The following DAB1 variants were observed in gnomAD, a reference collection of about 807,000 sequenced individuals.
DAB1 encodes DAB adaptor protein 1.
Under a neutral mutation model 64.6 loss-of-function variants are expected in DAB1, and 15 were observed. The ratio of observed to expected loss-of-function variants is 0.23; its 90% confidence interval spans 0.16 to 0.36. The LOEUF (loss-of-function observed/expected upper bound fraction) is 0.36, where lower values mean the gene tolerates loss of function less well. Among genes scored for constraint, DAB1 ranks in the 10% least tolerant of loss-of-function variants. DAB1 has a pLI of 1.00. For synonymous variants in DAB1, 235 were observed against 251.9 expected, an observed-to-expected ratio of 0.93 and a Z score of 0.64; for missense variants, 596 against 706.7, an observed-to-expected ratio of 0.84 and a Z score of 1.78.
chr1:58,213,643 T>C (rs2100299201), intron 4 of DAB1, among the ~76,000 whole-genome samples: 1 of 152,282 alleles, frequency 6.6e-6, no homozygotes, highest in East Asian at 1.9e-4. Context: ...CTGGGGATTA[T>C]GGGAACTACA....
At chr1:57,447,400 CT>C (rs1686182018) in intron 7 of DAB1, among the ~76,000 whole-genome samples, 1 of 152,150 alleles carries the variant, frequency 6.6e-6, no homozygotes, top group African/African-American at 2.4e-5. Context: ...GAGAGAGATC[CT>C]TGTGCAGACT....
intron 6 of DAB1, among the ~76,000 whole-genome samples, chr1:57,808,717 C>A (rs944254987): frequency 1.3e-5 from 2 of 152,116 alleles, no homozygotes; most frequent in African/African-American, 4.8e-5. Context: ...TAATAATGAT[C>A]CATTATAATG....
At chr1:58,302,816 A>G (rs1186103753) in intron 4 of DAB1, among the ~76,000 whole-genome samples, 1 of 152,142 alleles carries the variant, frequency 6.6e-6, no homozygotes, top group Non-Finnish European at 1.5e-5. Context: ...TGCTATTTTC[A>G]TTACTATTTT....
chr1:58,506,012 A>G, intron 3 of DAB1: 1 of 801,278 alleles, frequency 1.2e-6, no homozygotes, highest in Non-Finnish European at 2.2e-6. Flanking sequence ...CATTAAAAAT[A>G]AATGATACAG....
rs1369805791 is a variant in DAB1 at position 57,003,743 on chromosome 1, G to A, written c.*16-5615C>T. On this transcript the variant is annotated intron_variant, in intron 14 of 14. Transcript: ENST00000371236. ...AGTCTAATCTACTTTCCATCTCCAC[G>A]ATTTTACCTAGTCTTGTTTTTAAAT... Among the ~76,000 whole-genome samples the A allele has an allele frequency of 4.6e-5, 7 of 151,984 alleles. No individual in the cohort carries two copies. The South Asian group carries it at 8.3e-4, about 18-fold the overall frequency.
intron 4 of DAB1, among the ~76,000 whole-genome samples, chr1:58,316,208 A>T (rs895379452): frequency 2.0e-5 from 3 of 152,200 alleles, no homozygotes; most frequent in African/African-American, 4.8e-5. Context: ...TTTTGTTGTC[A>T]TTGTTAGTAA....
chr1:57,890,868 G>A (rs1644301668), intron 5 of DAB1, among the ~76,000 whole-genome samples: 1 of 152,156 alleles, frequency 6.6e-6, no homozygotes, highest in Admixed American at 6.6e-5. Context: ...TTCAGTTAAT[G>A]AGTATTTCTC....
At chr1:57,314,978 G>T (rs1237019206) in intron 1 of DAB1, among the ~76,000 whole-genome samples, 1 of 151,986 alleles carries the variant, frequency 6.6e-6, no homozygotes, top group Non-Finnish European at 1.5e-5. Flanking sequence ...CTTTGTCAAG[G>T]GCACTTACTT....
chr1:57,488,643 T>A (rs982813508), intron 7 of DAB1, among the ~76,000 whole-genome samples: 1 of 151,662 alleles, frequency 6.6e-6, no homozygotes, highest in Non-Finnish European at 1.5e-5. Flanking sequence ...ATCATTGCAC[T>A]CCAGCCTGGG....
At chr1:57,572,393 T>G (rs573691604) in intron 7 of DAB1, among the ~76,000 whole-genome samples, 24 of 152,284 alleles carry the variant, frequency 1.6e-4, no homozygotes, top group Non-Finnish European at 2.8e-4. Flanking sequence ...TTGTGAGGTG[T>G]TTGATGCAAG....
intron 3 of DAB1, among the ~76,000 whole-genome samples, chr1:58,426,346 A>C (rs1246084419): frequency 6.6e-6 from 1 of 152,156 alleles, no homozygotes; most frequent in Admixed American, 6.5e-5. Flanking sequence ...GAAGAAAGAG[A>C]GTTAACCCAT....
chr1:57,220,889 A>C (rs957727785), intron 2 of DAB1, among the ~76,000 whole-genome samples: 1 of 152,214 alleles, frequency 6.6e-6, no homozygotes, highest in African/African-American at 2.4e-5. Flanking sequence ...CAGCCATCCC[A>C]TTACTGGGTA....
chr1:57,502,086 C>G (rs1413966928), intron 7 of DAB1, among the ~76,000 whole-genome samples: 1 of 151,870 alleles, frequency 6.6e-6, no homozygotes, highest in Non-Finnish European at 1.5e-5. Context: ...TTTGGGAGGC[C>G]GAGGCCAGTG....
At chr1:57,724,933 T>G (rs1023161696) in intron 6 of DAB1, among the ~76,000 whole-genome samples, 1 of 152,226 alleles carries the variant, frequency 6.6e-6, no homozygotes, top group Admixed American at 6.5e-5. Flanking sequence ...CACAGATGAA[T>G]GAATGCAAGC....
chr1:57,279,954 T>C (rs999237960), intron 2 of DAB1, among the ~76,000 whole-genome samples: 1 of 152,192 alleles, frequency 6.6e-6, no homozygotes, highest in Non-Finnish European at 1.5e-5. Flanking sequence ...GGCATTACTA[T>C]TGGAACCTGT....
At chr1:57,476,099 G>A (rs1355461643) in intron 7 of DAB1, among the ~76,000 whole-genome samples, 7 of 151,876 alleles carry the variant, frequency 4.6e-5, no homozygotes, top group East Asian at 1.9e-4. Context: ...GGTGGCGCAC[G>A]CCTGTAGTCC....
chr1:57,085,275 A>C (rs150423861), intron 4 of DAB1, among the ~76,000 whole-genome samples: 28 of 152,186 alleles, frequency 1.8e-4, no homozygotes, highest in African/African-American at 6.0e-4. Flanking sequence ...GGCTGTGATC[A>C]TCAAGCTCTG....
At chr1:57,262,427 G>A (rs1670250514) in intron 2 of DAB1, among the ~76,000 whole-genome samples, 1 of 152,196 alleles carries the variant, frequency 6.6e-6, no homozygotes, top group Non-Finnish European at 1.5e-5. Flanking sequence ...CAGGGCCTAA[G>A]GCCTGTGCTC....
chr1:58,216,880 T>A (rs1248866003), intron 4 of DAB1, among the ~76,000 whole-genome samples: 4 of 152,186 alleles, frequency 2.6e-5, no homozygotes, highest in African/African-American at 9.7e-5. Context: ...TGAAAAGATA[T>A]TTTGAATGTC....
Sources: gnomAD v4.1 joint callset for allele counts (sites outside exome capture counted in the v4.1 genomes callset) on GRCh38, gnomAD v4.1.1 for gene constraint, MANE v1.5 for transcripts, NCBI Gene and HGNC (gene_info 2026-07-23, HGNC 2026-07-21) for gene names.